The following OXR1 variants were observed in gnomAD, a reference collection of about 807,000 sequenced individuals.
The protein encoded by OXR1 is oxidation resistance 1, also known as oxidation resistance protein 1.
In OXR1, 41 loss-of-function variants were observed where a neutral mutation model predicts 104.6. The ratio of observed to expected loss-of-function variants is 0.39; its 90% CI spans 0.31 to 0.51. OXR1 has a LOEUF of 0.51. OXR1 is among the 20% of genes least tolerant of loss of function. The pLI is 0.77. For synonymous variants in OXR1, 348 were observed against 348.4 expected, an observed-to-expected ratio of 1.00 and a Z score of 0.01; for missense variants, 955 against 1,031.9, an observed-to-expected ratio of 0.93 and a Z score of 1.02.
chr8:106,608,669 T>C (rs1023503066), intron 3 of OXR1, among the ~76,000 whole-genome samples: 2 of 152,192 alleles, frequency 1.3e-5, no homozygotes, highest in Admixed American at 6.5e-5. Context: ...ATCTGTTCTT[T>C]GTCATTAGAG....
At chr8:106,394,436 G>T in intron 2 of OXR1, among the ~76,000 whole-genome samples, 1 of 151,864 alleles carries the variant, frequency 6.6e-6, no homozygotes, top group East Asian at 1.9e-4. Context: ...CCTGTGCTAT[G>T]ATGTTGATAA....
chr8:106,725,340 CAA>C (rs904900213), intron 11 of OXR1, among the ~76,000 whole-genome samples: 2 of 152,082 alleles, frequency 1.3e-5, no homozygotes, highest in South Asian at 2.1e-4. Context: ...GTGCATACAA[CAA>C]AGTGAAGTGG....
chr8:106,655,052 C>T (rs1330331927), intron 3 of OXR1, among the ~76,000 whole-genome samples: 1 of 152,054 alleles, frequency 6.6e-6, no homozygotes, highest in East Asian at 1.9e-4. Flanking sequence ...AGCCAGACCC[C>T]AAAGACCAAG....
intron 11 of OXR1, among the ~76,000 whole-genome samples, chr8:106,718,855 A>G (rs1832559370): frequency 6.8e-6 from 1 of 146,828 alleles, no homozygotes; most frequent in Non-Finnish European, 1.5e-5. Context: ...AAAAAAAAGG[A>G]GCTATGCCTG....
At chr8:106,576,808 A>G (rs1257322274) in intron 3 of OXR1, among the ~76,000 whole-genome samples, 1 of 152,182 alleles carries the variant, frequency 6.6e-6, no homozygotes, top group Non-Finnish European at 1.5e-5. Flanking sequence ...CATGCTGTGT[A>G]AATACTGAAA....
intron 3 of OXR1, among the ~76,000 whole-genome samples, chr8:106,626,840 T>C (rs1372101737): frequency 6.6e-6 from 1 of 151,042 alleles, no homozygotes; most frequent in Non-Finnish European, 1.5e-5. Context: ...ATATATATTA[T>C]AATTATCATA....
intron 16 of OXR1, among the ~76,000 whole-genome samples, chr8:106,747,620 G>A (rs1563770907): frequency 6.6e-6 from 1 of 152,142 alleles, no homozygotes; most frequent in Non-Finnish European, 1.5e-5. Context: ...TTTCACCTGG[G>A]ACAGATCTGT....
At chr8:106,383,510 G>A (rs761476280) in intron 2 of OXR1, among the ~76,000 whole-genome samples, 31 of 152,140 alleles carry the variant, frequency 2.0e-4, no homozygotes, top group Non-Finnish European at 4.4e-4. Flanking sequence ...TTGATGCAAT[G>A]CTCACAAATC....
At chr8:106,314,060 T>G (rs935114262) in intron 1 of OXR1, among the ~76,000 whole-genome samples, 3 of 152,304 alleles carry the variant, frequency 2.0e-5, no homozygotes, top group East Asian at 1.9e-4. Context: ...ATTCAGAGAA[T>G]TGTGAATCTG....
chr8:106,472,116 C>T (rs77612604), intron 2 of OXR1, among the ~76,000 whole-genome samples: 2,064 of 151,772 alleles, frequency 0.014, 48 homozygotes, highest in African/African-American at 0.047. Context: ...TCATCCATGA[C>T]GTTCCCATTT....
At chr8:106,310,955 G>A (rs1302596879) in intron 1 of OXR1, among the ~76,000 whole-genome samples, 1 of 151,996 alleles carries the variant, frequency 6.6e-6, no homozygotes, top group African/African-American at 2.4e-5. Flanking sequence ...CTATCTTGGT[G>A]ATTCATGTAC....
At chr8:106,502,275 T>G (rs1811862836) in intron 2 of OXR1, among the ~76,000 whole-genome samples, 1 of 152,208 alleles carries the variant, frequency 6.6e-6, no homozygotes, top group Non-Finnish European at 1.5e-5. Flanking sequence ...CCTCACAGTT[T>G]TCTTTTGTAC....
intron 3 of OXR1, among the ~76,000 whole-genome samples, chr8:106,671,962 G>GTAT (rs1163807510): frequency 4.6e-5 from 5 of 109,236 alleles, no homozygotes; most frequent in African/African-American, 2.0e-4. Context: ...AGAACTTAAA[G>GTAT]TATAATAATA....
At chr8:106,333,010 G>A (rs558347606) in intron 1 of OXR1, among the ~76,000 whole-genome samples, 3 of 151,994 alleles carry the variant, frequency 2.0e-5, no homozygotes, top group African/African-American at 7.2e-5. Context: ...ATATTCCATT[G>A]TGTGCATATA....
chr8:106,601,741 T>G (rs1339854023), intron 3 of OXR1, among the ~76,000 whole-genome samples: 2 of 152,222 alleles, frequency 1.3e-5, no homozygotes, highest in Non-Finnish European at 1.5e-5. Flanking sequence ...TGAACATGAA[T>G]AAGATTTATC....
intron 15 of OXR1, among the ~76,000 whole-genome samples, chr8:106,745,584 T>C (rs753507703): frequency 6.6e-6 from 1 of 152,194 alleles, no homozygotes; most frequent in Non-Finnish European, 1.5e-5. Context: ...AATTGAAAGT[T>C]AAGTGATAGA....
At chr8:106,381,464 TAA>T (rs1040204917) in intron 2 of OXR1, among the ~76,000 whole-genome samples, 10 of 152,080 alleles carry the variant, frequency 6.6e-5, no homozygotes, top group Admixed American at 6.5e-4. Flanking sequence ...CAATTGAACA[TAA>T]AAGAGAAGGG....
intron 3 of OXR1, among the ~76,000 whole-genome samples, chr8:106,627,020 C>G (rs1822230754): frequency 6.6e-6 from 1 of 151,910 alleles, no homozygotes; most frequent in African/African-American, 2.4e-5. Flanking sequence ...CTCGTGTCTA[C>G]AACAACCTGT....
At chr8:106,376,306 C>A (rs1816903778) in intron 2 of OXR1, among the ~76,000 whole-genome samples, 1 of 152,166 alleles carries the variant, frequency 6.6e-6, no homozygotes, top group Non-Finnish European at 1.5e-5. Flanking sequence ...ATGTTCTGTC[C>A]TTTTTTGCCC....
Sources: gnomAD v4.1 joint callset for allele counts (sites outside exome capture counted in the v4.1 genomes callset) on GRCh38, gnomAD v4.1.1 for gene constraint, MANE v1.5 for transcripts, NCBI Gene and HGNC (gene_info 2026-07-23, HGNC 2026-07-21) for gene names.